NRN1: variants seen among roughly 807,000 people sequenced by gnomAD.
NRN1 encodes the protein neuritin.
NRN1 carries 4 observed loss-of-function variants against 15.0 expected under a neutral mutation model. That is an observed-to-expected ratio of 0.27 (90% confidence interval 0.13 to 0.61). NRN1 has a LOEUF of 0.61. Ranked by LOEUF, NRN1 falls within the 20% of genes least tolerant of loss-of-function variation. The probability of loss-of-function intolerance (pLI) is 0.87; values close to 1 mark genes in which losing one functional copy is unlikely to be tolerated. For synonymous variants in NRN1, 85 were observed against 79.8 expected (o/e 1.07, Z -0.35); for missense variants, 134 against 181.9 (o/e 0.74, Z 1.51).
At chr6:6,003,251 A>G (rs1235220503) in intron 1 of NRN1, 1 of 1,234,464 alleles carries the variant, frequency 8.1e-7, no homozygotes, top group Non-Finnish European at 1.0e-6. Flanking sequence ...ACGTCCTGAG[A>G]CCTGGCGCGG....
At chr6:6,003,031 G>C (rs577886652) in intron 1 of NRN1, 1 of 486,886 alleles carries the variant, frequency 2.1e-6, no homozygotes, top group African/African-American at 2.0e-5. Context: ...GCCACATCAC[G>C]AGAATAAGCC....
chr6:5,999,002 C>T lies in NRN1; in HGVS notation c.403G>A (p.Ala135Thr), dbSNP rs141431038. Reference sequence around the variant, plus strand: ...CAGAAGGAAAGCCAGGTCGCTAAAGCTGCCGAGAGAGACACCAGGAGCACC... The same window carrying T: ...CAGAAGGAAAGCCAGGTCGCTAAAGTTGCCGAGAGAGACACCAGGAGCACC... The part of the protein sequence containing the change: ...FPVLLVSLSA[A>T]LATWLSF The change falls in exon 3 of 3, where the codon GCT becomes ACT. Residue 135 changes from alanine (A) to threonine (T), a missense_variant. Coordinates refer to ENST00000244766, the MANE Select transcript of NRN1 (RefSeq NM_016588.3). 1 of 1,612,620 alleles carries T rather than the reference C, an allele frequency of 6.2e-7. No individual in the cohort carries two copies. Among genetic ancestry groups the T allele is most frequent in the East Asian group, 2.2e-5 (1 of 44,868 alleles).
rs565633200 is a variant in NRN1, at chr6:6,002,502, G to A, written c.56-5C>T. The A allele has an allele frequency of 8.7e-6, 14 of 1,612,602 alleles. No homozygotes were observed. The South Asian group carries it at 1.3e-4, about 15-fold the overall frequency. ...TCACGGCCTGCACCAGATACGCTGCGGGGAGGAGGGAACACCGGTCAGCAG... is the reference window on the plus strand; with the variant it reads ...TCACGGCCTGCACCAGATACGCTGCAGGGAGGAGGGAACACCGGTCAGCAG... On this transcript the variant is annotated splice_polypyrimidine_tract_variant and splice_region_variant and intron_variant, in intron 1 of 2. Coordinates refer to ENST00000244766, the MANE Select transcript of NRN1 (RefSeq NM_016588.3).
intron 2 of NRN1, among the ~76,000 whole-genome samples, chr6:6,001,975 T>C (rs1757958850): frequency 6.6e-6 from 1 of 152,226 alleles, no homozygotes; most frequent in African/African-American, 2.4e-5. Context: ...CAAAGAATGA[T>C]CAAGATTGCT....
At chr6:5,999,242 A>C in intron 2 of NRN1, 38 bp from the exon 3 acceptor site, 1 of 1,558,772 alleles carries the variant, frequency 6.4e-7, no homozygotes, top group Non-Finnish European at 8.8e-7. Context: ...AAGCAGGTTC[A>C]CTTGGGACGC....
chr6:5,998,939 A>C lies in NRN1; in HGVS notation c.*37T>G. 1 of 1,466,934 alleles carries C rather than the reference A, an allele frequency of 6.8e-7. No homozygotes were observed. Among genetic ancestry groups the C allele is most frequent in the Non-Finnish European group, 9.4e-7 (1 of 1,058,282 alleles). 90.9% of individuals were successfully genotyped at this position (1,466,934 alleles called of 1,614,324 possible). On this transcript the variant is annotated 3_prime_UTR_variant, in exon 3 of 3. Coordinates refer to ENST00000244766, the MANE Select transcript of NRN1 (RefSeq NM_016588.3). The stretch of plus-strand genomic sequence containing the variant: ...TCTCGATTTCCGGGAGCATGGAGTG[A>C]GTGTGGGTGGGCGCGCGGGGGGAGC...
intron 1 of NRN1, chr6:6,003,587 G>GGGA (rs3838670): frequency 4.1e-4 from 244 of 594,424 alleles, no homozygotes; most frequent in South Asian, 9.4e-4. Context: ...GCTGAGCGGC[G>GGGA]GGAGGAGGAG....
chr6:6,005,715 TG>T (rs1472226671), intron 1 of NRN1, among the ~76,000 whole-genome samples: 1 of 152,248 alleles, frequency 6.6e-6, no homozygotes, highest in Non-Finnish European at 1.5e-5. Context: ...TCCCCCGTGT[TG>T]TCCATTCTAT....
intron 2 of NRN1, among the ~76,000 whole-genome samples, chr6:6,000,680 C>T (rs1398370374): frequency 2.7e-5 from 4 of 147,888 alleles, no homozygotes; most frequent in African/African-American, 5.0e-5. Flanking sequence ...TTCCTGCAGA[C>T]TGTCTGTGGA....
chr6:6,006,820 C>CA lies in NRN1; in HGVS notation c.-72dup. On this transcript the variant is annotated 5_prime_UTR_variant, in exon 1 of 3. The change creates a premature stop within an existing upstream ORF in the 5' untranslated region. Coordinates refer to ENST00000244766, the MANE Select transcript of NRN1 (RefSeq NM_016588.3). ...TAGTTTAGAGAACGCGGGGGAAAGC[C>CA]AAAAAATAGGCATTGCCAACAAGTT... 4 of 1,424,478 alleles carry CA rather than the reference C, an allele frequency of 2.8e-6. No individual in the cohort carries two copies. Among genetic ancestry groups the CA allele is most frequent in the East Asian group, 4.6e-5 (2 of 43,834 alleles). The allele number at this position is 1,424,478 out of a possible 1,614,324, so 88.2% of individuals were successfully genotyped here.
At chr6:6,000,661 A>T (rs1398015158) in intron 2 of NRN1, among the ~76,000 whole-genome samples, 1 of 147,756 alleles carries the variant, frequency 6.8e-6, no homozygotes, top group Non-Finnish European at 1.5e-5. Context: ...AGGCCCAGGG[A>T]GGACAGCTTT....
intron 1 of NRN1, chr6:6,004,005 G>T (rs1014108715): frequency 1.7e-6 from 2 of 1,208,206 alleles, no homozygotes; most frequent in African/African-American, 1.6e-5. Context: ...GTCCGCGAGC[G>T]CCGGGCCAGA....
intron 1 of NRN1, chr6:6,003,032 A>C (rs1387757124): frequency 2.1e-6 from 1 of 487,424 alleles, no homozygotes; most frequent in Non-Finnish European, 3.3e-6. Context: ...CCACATCACG[A>C]GAATAAGCCT....
rs1758040136 is a variant in NRN1, at chr6:6,003,999, G to T, written c.56-1502C>A. 7.4e-6 allele frequency: 9 copies of T among 1,211,340 alleles called. 1 individual carries two copies. The East Asian group carries it at 2.3e-4, about 31-fold the overall frequency. The allele number at this position is 1,211,340 out of a possible 1,614,324, so 75.0% of individuals were successfully genotyped here. A position where few individuals can be genotyped will look rare whatever the true frequency, so the allele number is the denominator to read the frequency against. Reference sequence around the variant, plus strand: ...CGGCCCCCAACGCGGGCGCCTGTCCGCGAGCGCCGGGCCAGACGCCGAAGA... The same window carrying T: ...CGGCCCCCAACGCGGGCGCCTGTCCTCGAGCGCCGGGCCAGACGCCGAAGA... On this transcript the variant is annotated intron_variant, in intron 1 of 2. Transcript: ENST00000244766.
chr6:5,999,513 C>A (rs184320557), intron 2 of NRN1, among the ~76,000 whole-genome samples: 1 of 152,264 alleles, frequency 6.6e-6, no homozygotes, highest in African/African-American at 2.4e-5. Context: ...CTGTGGCGCG[C>A]TGGCACCTCG....
At chr6:6,003,646 A>T (rs962142861) in intron 1 of NRN1, 149 of 1,165,652 alleles carry the variant, frequency 1.3e-4, no homozygotes, top group Non-Finnish European at 5.3e-5. Flanking sequence ...CCAAGCCCCC[A>T]AGCCCCCGGC....
chr6:6,001,343 A>T (rs1757939747), intron 2 of NRN1, among the ~76,000 whole-genome samples: 1 of 152,168 alleles, frequency 6.6e-6, no homozygotes, highest in South Asian at 2.1e-4. Context: ...GTTTTGAAAC[A>T]GTTATTTTGG....
intron 2 of NRN1, 96 bp downstream of exon 2, chr6:6,002,257 G>T (rs1757968956): frequency 6.8e-7 from 1 of 1,467,864 alleles, no homozygotes. Flanking sequence ...ATTCGCGCTG[G>T]CGCTGAACGC....
At chr6:6,002,539 C>T (rs777034580) in intron 1 of NRN1, 42 bp from the exon 2 acceptor site, 1 of 1,592,452 alleles carries the variant, frequency 6.3e-7, no homozygotes, top group Non-Finnish European at 8.6e-7. Flanking sequence ...GCCACGACCC[C>T]GCCCTGCCGC....
Sources: allele counts gnomAD v4.1 joint callset (sites outside exome capture counted in the v4.1 genomes callset), GRCh38; gene constraint gnomAD v4.1.1; transcripts MANE v1.5; gene names NCBI Gene and HGNC (gene_info 2026-07-23, HGNC 2026-07-21).